IFT80: variants seen among roughly 807,000 people sequenced by gnomAD.
The protein encoded by IFT80 is intraflagellar transport 80.
A neutral mutation model predicts 107.9 loss-of-function variants in IFT80; 79 were observed. The ratio of observed to expected loss-of-function variants is 0.73; its 90% CI spans 0.61 to 0.88. IFT80 has a LOEUF of 0.88. Among genes scored for constraint, IFT80 ranks in the 40% least tolerant of loss-of-function variants. The pLI, the probability that IFT80 is intolerant of heterozygous loss-of-function variation, is 0.00. For synonymous variants in IFT80, 299 were observed against 300.9 expected (o/e 0.99, Z 0.07); for missense variants, 797 against 914.2 (o/e 0.87, Z 1.65).
intron 2 of IFT80, chr3:160,384,312 T>C: frequency 1.1e-6 from 1 of 905,962 alleles, no homozygotes; most frequent in Non-Finnish European, 1.4e-6. Context: ...TTTTTAAGTA[T>C]TTAAGTATAG....
At chr3:160,381,788 G>T in intron 2 of IFT80, 64 bp from the exon 3 acceptor site, 1 of 1,292,060 alleles carries the variant, frequency 7.7e-7, no homozygotes, top group South Asian at 1.2e-5. Flanking sequence ...ATAATTCACA[G>T]ATGCAGATTA....
chr3:160,297,561 G>A (rs925554366), intron 12 of IFT80, among the ~76,000 whole-genome samples: 4 of 151,770 alleles, frequency 2.6e-5, no homozygotes, highest in Non-Finnish European at 5.9e-5. Flanking sequence ...GGAGGTCACC[G>A]CTATATTCAC....
chr3:160,281,097 T>C (rs1332654943), intron 14 of IFT80, among the ~76,000 whole-genome samples: 3 of 152,168 alleles, frequency 2.0e-5, no homozygotes, highest in African/African-American at 7.2e-5. Flanking sequence ...GTTAATCCTC[T>C]TGCCCTCAGG....
intron 8 of IFT80, among the ~76,000 whole-genome samples, chr3:160,328,277 C>T (rs781740014): frequency 2.0e-5 from 3 of 151,906 alleles, no homozygotes; most frequent in East Asian, 1.9e-4. Flanking sequence ...GCCTGGCAAA[C>T]ATAGTGAAAC....
In IFT80 at chr3:160,312,957, TATAA is replaced by T. The variant is rs1213502756; in HGVS notation, c.958-5180_958-5177del. 7.8e-5 allele frequency among the ~76,000 whole-genome samples: 5 copies of T among 63,810 alleles called. 1 individual carries two copies. Among genetic ancestry groups the T allele is most frequent in the African/African-American group, 3.4e-4 (5 of 14,494 alleles). 41.9% of individuals were successfully genotyped at this position (63,810 alleles called of 152,430 possible). ...TAATATATAATAAATATATATTATA[TATAA>T]ATATATAATATATAATATATAATAA... On this transcript the variant is annotated intron_variant, in intron 9 of 19. Coordinates refer to ENST00000326448, the MANE Select transcript of IFT80 (RefSeq NM_020800.3).
intron 16 of IFT80, among the ~76,000 whole-genome samples, chr3:160,278,572 C>T (rs1402950497): frequency 6.6e-6 from 1 of 152,120 alleles, no homozygotes; most frequent in African/African-American, 2.4e-5. Flanking sequence ...ACGCTTTCCA[C>T]TCCTTAACCT....
chr3:160,366,228 G>A lies in IFT80; in HGVS notation c.440-76C>T, dbSNP rs1225301380. ...GCCTTATAAAAAGAGAGATTGTTAAGAGGATCAAAAAAGCCATATGAGGTG... is the reference window on the plus strand; with the variant it reads ...GCCTTATAAAAAGAGAGATTGTTAAAAGGATCAAAAAAGCCATATGAGGTG... On this transcript the variant is annotated intron_variant, in intron 5 of 19. Transcript: ENST00000326448. 4.3e-5 allele frequency: 47 copies of A among 1,094,040 alleles called. No individual in the cohort carries two copies. The East Asian group carries it at 1.1e-3, about 25-fold the overall frequency. 67.8% of individuals were successfully genotyped at this position (1,094,040 alleles called of 1,614,324 possible).
At chr3:160,269,364 T>G (rs1713623651) in intron 18 of IFT80, among the ~76,000 whole-genome samples, 2 of 152,214 alleles carry the variant, frequency 1.3e-5, no homozygotes, top group African/African-American at 4.8e-5. Context: ...ACTGGTATCT[T>G]TACATTATTA....
chr3:160,280,682 T>G lies in IFT80; in HGVS notation c.1649A>C (p.Tyr550Ser). 3 of 1,612,246 alleles carry G rather than the reference T, an allele frequency of 1.9e-6. No homozygotes were observed. Among genetic ancestry groups the G allele is most frequent in the South Asian group, 2.2e-5 (2 of 91,028 alleles). Reference sequence around the variant, plus strand: ...AAAATGTTACCTTGCATCCCTTTCATATAATGTTTTAGGCAAAATGTCTCT... The same window carrying G: ...AAAATGTTACCTTGCATCCCTTTCAGATAATGTTTTAGGCAAAATGTCTCT... The part of the protein sequence containing the change: ...VDRDILPKTL[Y>S]ERDASEFSKN... Residue 550 changes from tyrosine (Y) to serine (S), a missense_variant, in exon 15 of 20, where the codon TAT becomes TCT. By Grantham distance (144) the Tyr-to-Ser change is moderately radical. Coordinates refer to ENST00000326448, the MANE Select transcript of IFT80 (RefSeq NM_020800.3).
chr3:160,375,644 G>C (rs1380771771), intron 5 of IFT80, among the ~76,000 whole-genome samples, 168 bp downstream of exon 5: 2 of 152,026 alleles, frequency 1.3e-5, no homozygotes, highest in African/African-American at 4.8e-5. Flanking sequence ...TGGTACATCA[G>C]GTACCAAGCA....
At chr3:160,260,941 T>C (rs1712773789) in intron 19 of IFT80, among the ~76,000 whole-genome samples, 1 of 152,148 alleles carries the variant, frequency 6.6e-6, no homozygotes, top group African/African-American at 2.4e-5. Context: ...TTTTCCTTCC[T>C]TGCATTCACG....
In IFT80 at chr3:160,377,649, ATAAT is replaced by A. The variant is rs1712128710; in HGVS notation, c.260-113_260-110del. 6.7e-6 allele frequency: 4 copies of A among 593,146 alleles called. No homozygotes were observed. The South Asian group carries it at 6.7e-5, about 10-fold the overall frequency. 36.7% of individuals were successfully genotyped at this position (593,146 alleles called of 1,614,324 possible). A position where few individuals can be genotyped will look rare whatever the true frequency, so the allele number is the denominator to read the frequency against. ...AGGCATAAAGGCAAATATTAACATT[ATAAT>A]TATTCTTAATATCACATATAAATCT... On this transcript the variant is annotated intron_variant, in intron 3 of 19. Coordinates refer to ENST00000326448, the MANE Select transcript of IFT80 (RefSeq NM_020800.3).
chr3:160,283,107 G>A (rs931338821), intron 13 of IFT80, among the ~76,000 whole-genome samples: 1 of 152,162 alleles, frequency 6.6e-6, no homozygotes, highest in Non-Finnish European at 1.5e-5. Context: ...AAACAAGCTT[G>A]TAATGTAGGT....
intron 10 of IFT80, among the ~76,000 whole-genome samples, chr3:160,305,428 T>C (rs913983881): frequency 6.6e-6 from 1 of 152,176 alleles, no homozygotes; most frequent in African/African-American, 2.4e-5. Flanking sequence ...CTGGGGTTCA[T>C]AGATATGATA....
In IFT80 at chr3:160,277,180, T is replaced by C. The variant is rs1714331224; in HGVS notation, c.2099+126A>G. 1.0e-4 allele frequency: 83 copies of C among 806,264 alleles called. 1 individual carries two copies. The South Asian group carries it at 1.2e-3, about 11-fold the overall frequency. The allele number at this position is 806,264 out of a possible 1,614,324, so 49.9% of individuals were successfully genotyped here. On this transcript the variant is annotated intron_variant, in intron 18 of 19. Transcript: ENST00000326448. ...TGTAAACTATTCACAAATATGAATA[T>C]GAATAAATTCTTCTGTGGTGTTAAG... is the stretch of plus-strand genomic sequence containing the variant.
At chr3:160,298,550 G>C (rs1229929777) in intron 12 of IFT80, among the ~76,000 whole-genome samples, 1 of 152,066 alleles carries the variant, frequency 6.6e-6, no homozygotes, top group Non-Finnish European at 1.5e-5. Flanking sequence ...ATGGATTAAA[G>C]AATAATGAAA....
intron 19 of IFT80, among the ~76,000 whole-genome samples, chr3:160,263,572 A>G (rs1019318331): frequency 6.6e-6 from 1 of 152,148 alleles, no homozygotes; most frequent in Non-Finnish European, 1.5e-5. Context: ...TCTTATTTTC[A>G]TCTCCTTCAA....
intron 8 of IFT80, among the ~76,000 whole-genome samples, chr3:160,337,624 CAA>C (rs945175930): frequency 7.0e-6 from 1 of 143,134 alleles, no homozygotes; most frequent in Non-Finnish European, 1.5e-5. Context: ...ACTCTGTCTC[CAA>C]AAAAAAAAGG....
At chr3:160,300,837 TAAC>T (rs961664932) in intron 12 of IFT80, 43 bp downstream of exon 12, 1 of 1,481,620 alleles carries the variant, frequency 6.7e-7, no homozygotes, top group African/African-American at 1.4e-5. Context: ...TTTATAGTGT[TAAC>T]AAATTTCATA....
Sources: allele counts gnomAD v4.1 joint callset (sites outside exome capture counted in the v4.1 genomes callset), GRCh38; gene constraint gnomAD v4.1.1; transcripts MANE v1.5; gene names NCBI Gene and HGNC (gene_info 2026-07-23, HGNC 2026-07-21).